Variants in DCC observed in about 807,000 individuals in gnomAD.
DCC encodes DCC netrin 1 receptor.
Under a neutral mutation model 172.5 loss-of-function variants are expected in DCC, and 58 were observed. The ratio of observed to expected loss-of-function variants is 0.34; its 90% confidence interval spans 0.27 to 0.42. The LOEUF is 0.42. Ranked by LOEUF, DCC falls within the 10% of genes least tolerant of loss-of-function variation. The pLI is 1.00. For synonymous variants in DCC, 709 were observed against 644.5 expected, an observed-to-expected ratio of 1.10 and a Z score of -1.52; for missense variants, 1,740 against 1,791.0, an observed-to-expected ratio of 0.97 and a Z score of 0.51.
chr18:52,397,801 T>G (rs1986287762), intron 1 of DCC, among the ~76,000 whole-genome samples: 2 of 152,030 alleles, frequency 1.3e-5, no homozygotes, highest in African/African-American at 4.8e-5. Flanking sequence ...TTATTCCAAT[T>G]AAGCCTCTCC....
chr18:53,326,708 T>C lies in DCC; in HGVS notation c.2164+4551T>C, dbSNP rs148311485. 4.6e-5 allele frequency among the ~76,000 whole-genome samples: 7 copies of C among 152,304 alleles called. No individual in the cohort carries two copies. The East Asian group carries it at 1.4e-3, about 29-fold the overall frequency. On this transcript the variant is annotated intron_variant, in intron 14 of 28. Coordinates refer to ENST00000442544, the MANE Select transcript of DCC (RefSeq NM_005215.4). ...GGTATAAATGACTTGCACCAAAAGT[T>C]TCTTGGCTAATGTTGGAAAGCTTTG... is the stretch of plus-strand genomic sequence containing the variant.
intron 1 of DCC, among the ~76,000 whole-genome samples, chr18:52,461,166 C>T (rs550168240): frequency 4.1e-4 from 63 of 152,080 alleles, no homozygotes; most frequent in Middle Eastern, 3.4e-3. Flanking sequence ...CCTTTATTTT[C>T]GTCTTTTTAG....
chr18:53,114,457 C>T (rs1199679623), intron 7 of DCC, among the ~76,000 whole-genome samples: 1 of 151,510 alleles, frequency 6.6e-6, no homozygotes, highest in African/African-American at 2.4e-5. Flanking sequence ...CAGTATAAAG[C>T]AAACTCAAAA....
intron 12 of DCC, among the ~76,000 whole-genome samples, chr18:53,226,930 G>GTATATATATATATATA (rs1290601706): frequency 2.5e-4 from 12 of 48,620 alleles, no homozygotes; most frequent in African/African-American, 9.2e-4. Context: ...GTGTGTGTGT[G>GTATATATATATATATA]TGTGTATATA....
intron 12 of DCC, among the ~76,000 whole-genome samples, chr18:53,223,378 AATATTACCTTAT>A (rs1465924198): frequency 2.0e-5 from 3 of 152,148 alleles, no homozygotes; most frequent in African/African-American, 7.2e-5. Flanking sequence ...GCCTCACTTT[AATATTACCTTAT>A]AATTTATACT....
chr18:52,489,288 ATAGTTG>A lies in DCC; in HGVS notation c.91+148412_91+148417del, dbSNP rs2030383682. On this transcript the variant is annotated intron_variant, in intron 1 of 28. Coordinates refer to ENST00000442544, the MANE Select transcript of DCC (RefSeq NM_005215.4). ...AGATTCCTACCAACTTTCTGGCTAC[ATAGTTG>A]TCTCAAAAAGATCTGAAGGCAAAGA... 5.9e-5 allele frequency among the ~76,000 whole-genome samples: 9 copies of A among 152,220 alleles called. No homozygotes were observed. The South Asian group carries it at 1.9e-3, about 32-fold the overall frequency.
At chr18:52,686,668 C>A (rs1228554940) in intron 1 of DCC, among the ~76,000 whole-genome samples, 1 of 152,084 alleles carries the variant, frequency 6.6e-6, no homozygotes, top group Non-Finnish European at 1.5e-5. Context: ...GCAAAAGTTT[C>A]TTGAGGAGCA....
chr18:52,622,856 G>A (rs564837410), intron 1 of DCC, among the ~76,000 whole-genome samples: 92 of 152,274 alleles, frequency 6.0e-4, no homozygotes, highest in African/African-American at 2.1e-3. Context: ...CAAAAAAAAT[G>A]ATCATAGAAG....
At chr18:53,040,660 C>T (rs2042156688) in intron 5 of DCC, among the ~76,000 whole-genome samples, 1 of 151,908 alleles carries the variant, frequency 6.6e-6, no homozygotes, top group Admixed American at 6.6e-5. Context: ...TAATTCCTTT[C>T]CCCAAGAACT....
chr18:53,445,421 G>T (rs1379697620), intron 22 of DCC, among the ~76,000 whole-genome samples: 1 of 152,122 alleles, frequency 6.6e-6, no homozygotes, highest in Non-Finnish European at 1.5e-5. Flanking sequence ...CATTCACATT[G>T]TTTGCCTATT....
chr18:52,838,274 A>C (rs556517961), intron 2 of DCC, among the ~76,000 whole-genome samples: 3 of 152,304 alleles, frequency 2.0e-5, no homozygotes, highest in African/African-American at 7.2e-5. Flanking sequence ...TTTTTGTTCT[A>C]CCAAGAATAT....
At chr18:52,931,987 C>T (rs1032056516) in intron 5 of DCC, 3 of 151,990 alleles carry the variant, frequency 2.0e-5, no homozygotes, top group Non-Finnish European at 2.9e-5. Context: ...TAAACAGGGA[C>T]TCTGGGAAGA....
intron 5 of DCC, among the ~76,000 whole-genome samples, chr18:53,049,814 G>A (rs1006879447): frequency 2.6e-5 from 4 of 152,002 alleles, no homozygotes; most frequent in Non-Finnish European, 4.4e-5. Context: ...CTAGAGGGAC[G>A]AAATGAATAG....
chr18:52,451,457 G>A (rs1187057592), intron 1 of DCC, among the ~76,000 whole-genome samples: 6 of 152,082 alleles, frequency 3.9e-5, no homozygotes, highest in South Asian at 2.1e-4. Flanking sequence ...TCACACGCCC[G>A]GTAGCCCCAG....
chr18:52,693,288 A>G (rs942490350), intron 1 of DCC, among the ~76,000 whole-genome samples: 8 of 149,912 alleles, frequency 5.3e-5, no homozygotes, highest in African/African-American at 1.7e-4. Flanking sequence ...TAATACATAC[A>G]CATTATATAT....
At chr18:52,759,549 G>C (rs768038872) in intron 2 of DCC, among the ~76,000 whole-genome samples, 3 of 152,086 alleles carry the variant, frequency 2.0e-5, no homozygotes, top group Non-Finnish European at 4.4e-5. Flanking sequence ...GCTGTCTACA[G>C]TTCGATTTTG....
Position 52,577,093 on chromosome 18 carries a change from A to G in DCC, c.92-174961A>G, listed in dbSNP as rs1203339364. Reference sequence around the variant, plus strand: ...CATCTTCTAGCATGAATCAAGATGCACTTAGGCAGGATCAACTTCAGTTAT... The same window carrying G: ...CATCTTCTAGCATGAATCAAGATGCGCTTAGGCAGGATCAACTTCAGTTAT... On this transcript the variant is annotated intron_variant, in intron 1 of 28. Coordinates refer to ENST00000442544, the MANE Select transcript of DCC (RefSeq NM_005215.4). 4.6e-5 allele frequency among the ~76,000 whole-genome samples: 7 copies of G among 152,340 alleles called. No individual in the cohort carries two copies. The East Asian group carries it at 1.3e-3, about 29-fold the overall frequency.
At chr18:53,516,151 C>G (rs1333502329) in intron 27 of DCC, among the ~76,000 whole-genome samples, 1 of 150,970 alleles carries the variant, frequency 6.6e-6, no homozygotes, top group Non-Finnish European at 1.5e-5. Context: ...TGCCGCATAT[C>G]TACAACTATG....
chr18:53,144,256 A>G (rs1338016371), intron 7 of DCC, among the ~76,000 whole-genome samples: 1 of 152,082 alleles, frequency 6.6e-6, no homozygotes, highest in African/African-American at 2.4e-5. Flanking sequence ...ATTTATCAAT[A>G]TTTCTTTTCA....
Sources: allele counts gnomAD v4.1 joint callset (sites outside exome capture counted in the v4.1 genomes callset), GRCh38; gene constraint gnomAD v4.1.1; transcripts MANE v1.5; gene names NCBI Gene and HGNC (gene_info 2026-07-23, HGNC 2026-07-21).